The following MYO16 variants were observed in gnomAD, a reference collection of about 807,000 sequenced individuals.
The protein encoded by MYO16 is unconventional myosin-XVI.
A neutral mutation model predicts 205.3 loss-of-function variants in MYO16; 94 were observed. That is an observed-to-expected ratio of 0.46 (90% CI 0.39 to 0.54). MYO16 has a LOEUF of 0.54. MYO16 is among the 20% of genes least tolerant of loss of function. The probability of loss-of-function intolerance (pLI) is 0.00; values close to 1 mark genes in which losing one functional copy is unlikely to be tolerated. For synonymous variants in MYO16, 988 were observed against 954.0 expected (o/e 1.04, Z -0.66); for missense variants, 2,315 against 2,387.5 (o/e 0.97, Z 0.63).
At chr13:109,020,438 C>T (rs1255271278) in intron 23 of MYO16, among the ~76,000 whole-genome samples, 2 of 151,990 alleles carry the variant, frequency 1.3e-5, no homozygotes, top group African/African-American at 4.8e-5. Context: ...TTAGTCCAGG[C>T]TAATATCAGG....
At chr13:109,012,604 T>C (rs1217846709) in intron 22 of MYO16, among the ~76,000 whole-genome samples, 1 of 151,534 alleles carries the variant, frequency 6.6e-6, no homozygotes, top group Non-Finnish European at 1.5e-5. Flanking sequence ...CGTGGAAAAA[T>C]TGTCTTCCAC....
chr13:108,626,471 G>T (rs1879740021), upstream of MYO16, among the ~76,000 whole-genome samples: 1 of 152,100 alleles, frequency 6.6e-6, no homozygotes, highest in African/African-American at 2.4e-5. Flanking sequence ...ATTTAGCCTT[G>T]GTCATTTCTT....
chr13:108,968,455 CAAAATACA>C (rs1350411407), intron 20 of MYO16, among the ~76,000 whole-genome samples: 26 of 151,918 alleles, frequency 1.7e-4, no homozygotes, highest in Non-Finnish European at 2.6e-4. Context: ...ACTAAAAATA[CAAAATACA>C]AAAATACAAA....
the MYO16 span, among the ~76,000 whole-genome samples, chr13:108,511,158 T>C: frequency 9.7e-6 from 1 of 102,618 alleles, no homozygotes; most frequent in Non-Finnish European, 2.0e-5. Flanking sequence ...TTTTTAATGA[T>C]TGCCATTCTA....
rs899380159 is a variant in MYO16, at chr13:108,709,500, T to A, written c.293-3161T>A. 4.4e-5 allele frequency among the ~76,000 whole-genome samples: 4 copies of A among 90,100 alleles called. 1 individual carries two copies. The highest frequency in any genetic ancestry group is 7.4e-5 in the Non-Finnish European group (3 of 40,760). The allele number at this position is 90,100 out of a possible 152,430, so 59.1% of individuals were successfully genotyped here. On this transcript the variant is annotated intron_variant, in intron 2 of 34. Transcript: ENST00000457511. ...TGTAACAGAGCCTCAGCTTCCTTAT[T>A]AGTAAAAGAAAGAGTGACGATTATA... is the stretch of plus-strand genomic sequence containing the variant.
intron 22 of MYO16, among the ~76,000 whole-genome samples, chr13:109,014,140 T>A (rs962522728): frequency 2.6e-5 from 4 of 152,254 alleles, no homozygotes; most frequent in African/African-American, 9.6e-5. Context: ...AATTAAATTT[T>A]GTATAAGGTG....
chr13:109,037,066 C>T (rs893651073), intron 23 of MYO16, among the ~76,000 whole-genome samples: 5 of 152,226 alleles, frequency 3.3e-5, no homozygotes, highest in Admixed American at 1.3e-4. Flanking sequence ...GCAGACCTGA[C>T]ACTCCAGACT....
intron 11 of MYO16, among the ~76,000 whole-genome samples, chr13:108,860,468 C>T (rs1878400206): frequency 6.6e-6 from 1 of 152,150 alleles, no homozygotes; most frequent in African/African-American, 2.4e-5. Flanking sequence ...CTGCCATGAA[C>T]ATTCGTGTGC....
At chr13:108,908,473 C>G (rs983983028) in intron 15 of MYO16, among the ~76,000 whole-genome samples, 1 of 152,168 alleles carries the variant, frequency 6.6e-6, no homozygotes, top group Non-Finnish European at 1.5e-5. Context: ...GGAGACATCA[C>G]ATTTTTGCTT....
intron 4 of MYO16, among the ~76,000 whole-genome samples, chr13:108,739,840 T>TA (rs1884838343): frequency 6.6e-6 from 1 of 152,314 alleles, no homozygotes; most frequent in South Asian, 2.1e-4. Context: ...CATTTCTTTT[T>TA]ACACTTTTTT....
At chr13:109,054,287 C>G (rs1887344605) in intron 25 of MYO16, 1 of 397,118 alleles carries the variant, frequency 2.5e-6, no homozygotes, top group African/African-American at 2.1e-5. Context: ...AAAATAGAGT[C>G]TACTACCATT....
At chr13:108,564,865 C>T in the MYO16 span, among the ~76,000 whole-genome samples, 41 of 152,246 alleles carry the variant, frequency 2.7e-4, no homozygotes, top group Admixed American at 1.5e-3. Context: ...ATTCTTCATT[C>T]GTATGGATAT....
chr13:109,028,371 T>C, intron 23 of MYO16: 2 of 295,836 alleles, frequency 6.8e-6, no homozygotes, highest in East Asian at 1.3e-4. Flanking sequence ...AAACAAAATG[T>C]TTTAGTTTAT....
At chr13:108,560,850 T>C in the MYO16 span, among the ~76,000 whole-genome samples, 2 of 152,216 alleles carry the variant, frequency 1.3e-5, no homozygotes, top group Non-Finnish European at 2.9e-5. Flanking sequence ...TTTAGGACTT[T>C]AGGAGCCTAT....
At chr13:108,853,510 G>A (rs139187687) in intron 10 of MYO16, among the ~76,000 whole-genome samples, 29 of 151,866 alleles carry the variant, frequency 1.9e-4, no homozygotes, top group Middle Eastern at 6.9e-3. Context: ...TTGCAAAGTA[G>A]TTAAAATAAT....
chr13:109,181,047 T>A (rs1315428407), intron 34 of MYO16, among the ~76,000 whole-genome samples: 3 of 152,260 alleles, frequency 2.0e-5, no homozygotes, highest in African/African-American at 7.2e-5. Flanking sequence ...AATGTGGTTC[T>A]TAGACAAAGG....
chr13:108,606,065 CT>C (rs1167541176), intron 1 of MYO16, among the ~76,000 whole-genome samples: 1 of 152,182 alleles, frequency 6.6e-6, no homozygotes, highest in Non-Finnish European at 1.5e-5. Context: ...CATTTTTCCC[CT>C]GCCCTAGAGA....
intron 20 of MYO16, among the ~76,000 whole-genome samples, chr13:108,976,400 G>A (rs547351526): frequency 1.3e-5 from 2 of 152,160 alleles, no homozygotes; most frequent in East Asian, 3.9e-4. Context: ...TCTGAAGCAG[G>A]GATTGAACAC....
chr13:108,840,035 G>T (rs1476215219), intron 9 of MYO16, among the ~76,000 whole-genome samples: 1 of 152,134 alleles, frequency 6.6e-6, no homozygotes, highest in Non-Finnish European at 1.5e-5. Context: ...TTTGCAATTT[G>T]GTTTTGCAGA....
Sources: allele counts gnomAD v4.1 joint callset (sites outside exome capture counted in the v4.1 genomes callset), GRCh38; gene constraint gnomAD v4.1.1; transcripts MANE v1.5; gene names NCBI Gene and HGNC (gene_info 2026-07-23, HGNC 2026-07-21).